Variants in DPP6 observed in about 807,000 individuals in gnomAD.
DPP6 encodes dipeptidyl peptidase like 6.
A neutral mutation model predicts 122.6 loss-of-function variants in DPP6; 69 were observed. The ratio of observed to expected loss-of-function variants is 0.56; its 90% CI spans 0.46 to 0.69. The LOEUF is 0.69. Ranked by LOEUF, DPP6 falls within the 30% of genes least tolerant of loss-of-function variation. The pLI, the probability that DPP6 is intolerant of heterozygous loss-of-function variation, is 0.00. For synonymous variants in DPP6, 418 were observed against 433.1 expected, an observed-to-expected ratio of 0.97 and a Z score of 0.43; for missense variants, 928 against 1,116.9, an observed-to-expected ratio of 0.83 and a Z score of 2.41.
At chr7:154,653,906 G>A (rs1339866974) in intron 6 of DPP6, among the ~76,000 whole-genome samples, 1 of 151,898 alleles carries the variant, frequency 6.6e-6, no homozygotes, top group Non-Finnish European at 1.5e-5. Flanking sequence ...TGTTTACTAC[G>A]GTCAGCCCTC....
chr7:153,849,020 A>G, the DPP6 span, among the ~76,000 whole-genome samples: 5 of 152,044 alleles, frequency 3.3e-5, no homozygotes, highest in African/African-American at 1.2e-4. Flanking sequence ...CTTTATGTTT[A>G]TTTGAGATAT....
intron 1 of DPP6, among the ~76,000 whole-genome samples, chr7:154,067,697 CA>C (rs976137533): frequency 2.0e-5 from 3 of 152,040 alleles, no homozygotes; most frequent in African/African-American, 7.2e-5. Context: ...CAGTATTTTC[CA>C]AAAAGCAGTA....
rs1399115270 is a variant in DPP6 at position 154,887,729 on chromosome 7, T to C, written c.2299T>C (p.Tyr767His). 4 of 1,613,754 alleles carry C rather than the reference T, an allele frequency of 2.5e-6. No individual in the cohort carries two copies. The Admixed American group carries it at 5.0e-5, about 20-fold the overall frequency. The part of the protein sequence containing the change: ...LGLHGLDNRA[Y>H]EMTKVAHRVS... ...CCTCCATGGACTTGACAACAGAGCATACGAGGTGTGTATGGGCACAACTAG... is the reference window on the plus strand; with the variant it reads ...CCTCCATGGACTTGACAACAGAGCACACGAGGTGTGTATGGGCACAACTAG... The change falls in exon 23 of 26, where the codon TAC becomes CAC. Residue 767 changes from tyrosine (Y) to histidine (H), a missense_variant. Physicochemically the swap from Tyr to His is moderately conservative, Grantham distance 83. Transcript: ENST00000377770.
At chr7:154,262,959 C>T (rs1214864132) in intron 1 of DPP6, among the ~76,000 whole-genome samples, 1 of 152,180 alleles carries the variant, frequency 6.6e-6, no homozygotes, top group Non-Finnish European at 1.5e-5. Flanking sequence ...GAAACTTTCT[C>T]CTTAGTCTAG....
chr7:153,985,787 A>C (rs1354252163), intron 1 of DPP6, among the ~76,000 whole-genome samples: 2 of 152,200 alleles, frequency 1.3e-5, no homozygotes, highest in African/African-American at 4.8e-5. Context: ...GCAATTTGGG[A>C]TGGATGGAGA....
intron 1 of DPP6, among the ~76,000 whole-genome samples, chr7:154,164,650 C>T (rs1797152372): frequency 6.6e-6 from 1 of 152,176 alleles, no homozygotes; most frequent in South Asian, 2.1e-4. Flanking sequence ...TAGCCTTCAG[C>T]AGCCTCTACT....
rs141715982 is a variant in DPP6 at position 154,015,533 on chromosome 7, C to T, written c.51+127799C>T. ...GCTTACATGTGGCCAGAAGAGAGCT[C>T]CTCATCCCCATGGCCATCGCTCCTC... On this transcript the variant is annotated intron_variant, in intron 1 of 25. Transcript: ENST00000404039. Among the ~76,000 whole-genome samples, 135 of 152,252 alleles carry T rather than the reference C, an allele frequency of 8.9e-4. 2 individuals are homozygous for T. Among genetic ancestry groups the T allele is most frequent in the South Asian group, 1.7e-3 (8 of 4,822 alleles).
intron 23 of DPP6, 126 bp from the exon 24 acceptor site, chr7:154,889,146 C>T (rs575089831): frequency 2.1e-5 from 30 of 1,421,808 alleles, no homozygotes; most frequent in Admixed American, 1.1e-4. Flanking sequence ...TAAGGCATCC[C>T]GGTTCTCCGG....
intron 16 of DPP6, among the ~76,000 whole-genome samples, chr7:154,823,253 G>A (rs1799920858): frequency 6.6e-6 from 1 of 152,156 alleles, no homozygotes. Context: ...CAATGAAAGA[G>A]AATCAAAAAC....
At chr7:154,647,862 T>A (rs561404110) in intron 6 of DPP6, among the ~76,000 whole-genome samples, 20 of 152,230 alleles carry the variant, frequency 1.3e-4, no homozygotes, top group Admixed American at 4.6e-4. Context: ...CTCTTCCTGT[T>A]TACAGATGTT....
In DPP6 at chr7:154,294,467, AAAGTTGGCC is replaced by A. The variant is rs780049813; in HGVS notation, c.244-151744_244-151736del. Among the ~76,000 whole-genome samples, 42 of 152,352 alleles carry A rather than the reference AAAGTTGGCC, an allele frequency of 2.8e-4. No individual in the cohort carries two copies. The Middle Eastern group carries it at 0.017, about 62-fold the overall frequency. ...CAAGGCCAAATCATATCTGTGTTGC[AAAGTTGGCC>A]AACAGGGATTGTATGAACTGAGCCT... On this transcript the variant is annotated intron_variant, in intron 1 of 25. Coordinates refer to ENST00000377770, the MANE Select transcript of DPP6 (RefSeq NM_130797.4).
At chr7:154,514,869 G>A (rs1002816029) in intron 3 of DPP6, among the ~76,000 whole-genome samples, 3 of 152,082 alleles carry the variant, frequency 2.0e-5, no homozygotes, top group Admixed American at 6.5e-5. Context: ...ATATCTGTTC[G>A]AGTCTCTGTT....
At chr7:153,891,108 G>A (rs1196639148) in intron 1 of DPP6, among the ~76,000 whole-genome samples, 8 of 136,664 alleles carry the variant, frequency 5.9e-5, no homozygotes, top group East Asian at 2.3e-4. Context: ...TGCAAGCTCC[G>A]CCTCCCGGGT....
intron 12 of DPP6, among the ~76,000 whole-genome samples, chr7:154,797,951 G>A (rs563184684): frequency 2.0e-5 from 3 of 152,332 alleles, no homozygotes; most frequent in African/African-American, 2.4e-5. Flanking sequence ...TGAAGTATTC[G>A]GGTGTTGGTG....
At chr7:154,228,043 G>A (rs983812573) in intron 1 of DPP6, among the ~76,000 whole-genome samples, 1 of 152,132 alleles carries the variant, frequency 6.6e-6, no homozygotes, top group Non-Finnish European at 1.5e-5. Context: ...ACTGGTAACA[G>A]CAAATTTAAA....
At position 154,539,193 on chromosome 7, in the gene DPP6, C is replaced by T. The variant is rs571233883; in HGVS notation, c.458-1339C>T. 6.6e-5 allele frequency among the ~76,000 whole-genome samples: 10 copies of T among 152,302 alleles called. No homozygotes were observed. In the South Asian group the frequency reaches 1.9e-3, roughly 28 times the overall value. ...AGAAAGATAGTGTTTTCCTTCTCCC[C>T]ACTGTGGGCCCTGCCTCTCAACCTG... is the stretch of plus-strand genomic sequence containing the variant. On this transcript the variant is annotated intron_variant, in intron 3 of 25. Coordinates refer to ENST00000377770, the MANE Select transcript of DPP6 (RefSeq NM_130797.4).
At chr7:154,786,977 C>A (rs1797376988) in intron 10 of DPP6, among the ~76,000 whole-genome samples, 1 of 152,186 alleles carries the variant, frequency 6.6e-6, no homozygotes, top group South Asian at 2.1e-4. Flanking sequence ...TCCCTCATGA[C>A]CCTTCTATCT....
Position 154,483,593 on chromosome 7 carries a change from C to G in DPP6, c.457+8556C>G, listed in dbSNP as rs1372821736. ...AATCCTGTTGGAAAGTTCTTAGTTA[C>G]AGAAGTTAGTTGGGAGCTTCTGACT... On this transcript the variant is annotated intron_variant, in intron 3 of 25. Transcript: ENST00000377770. This position sits in a 1 kb window ranked among gnomAD's most constrained non-coding sequence, Gnocchi z 8.1. Among the ~76,000 whole-genome samples, 1 of 152,212 alleles carries G rather than the reference C, an allele frequency of 6.6e-6. No homozygotes were observed. Among genetic ancestry groups the G allele is most frequent in the African/African-American group, 2.4e-5 (1 of 41,460 alleles).
At chr7:154,724,059 G>GC (rs1841947929) in intron 7 of DPP6, among the ~76,000 whole-genome samples, 1 of 152,202 alleles carries the variant, frequency 6.6e-6, no homozygotes, top group Non-Finnish European at 1.5e-5. Flanking sequence ...AAATTTGGCT[G>GC]CATATTGTAA....
Sources: allele counts gnomAD v4.1 joint callset (sites outside exome capture counted in the v4.1 genomes callset), GRCh38; gene constraint gnomAD v4.1.1; non-coding constraint Gnocchi (gnomAD v3.1); transcripts MANE v1.5; gene names NCBI Gene and HGNC (gene_info 2026-07-23, HGNC 2026-07-21).